DTHD1: variants seen among roughly 807,000 people sequenced by gnomAD.
DTHD1 encodes the protein death domain containing 1, also known as death domain-containing protein 1.
DTHD1 carries 59 observed loss-of-function variants against 74.8 expected under a neutral mutation model. The ratio of observed to expected loss-of-function variants is 0.79; its 90% CI spans 0.64 to 0.98. The LOEUF (loss-of-function observed/expected upper bound fraction) is 0.98, where lower values mean the gene tolerates loss of function less well. DTHD1 is among the 50% of genes least tolerant of loss of function. The pLI is 0.00. For missense variants in DTHD1, 1,051 were observed against 1,065.4 expected, an observed-to-expected ratio of 0.99 and a Z score of 0.19; for synonymous variants, 365 against 371.1, an observed-to-expected ratio of 0.98 and a Z score of 0.19.
At chr4:36,339,229 A>G in intron 9 of DTHD1, 60 bp downstream of exon 9, 1 of 1,155,720 alleles carries the variant, frequency 8.7e-7, no homozygotes, top group Middle Eastern at 2.0e-4. Flanking sequence ...TATGTTGTAT[A>G]TATGTGAATC....
rs780475018 is a variant in DTHD1, at chr4:36,293,673, G to T, written c.1366G>T (p.Val456Phe). ...SRISLNYPPG[V>F]FTSPVLVQLK... ...AATATCCTTAAATTACCCTCCAGGA[G>T]TTTTTACCTCTCCAGTGCTGGTGCA... Residue 456 changes from valine (V) to phenylalanine (F), a missense_variant, in exon 4 of 10, where the codon GTT becomes TTT. Coordinates refer to ENST00000639862, the MANE Select transcript of DTHD1 (RefSeq NM_001170700.3). 1.3e-6 allele frequency: 2 copies of T among 1,539,512 alleles called. No homozygotes were observed. The highest frequency in any genetic ancestry group is 2.4e-5 in the South Asian group (2 of 82,254).
At chr4:36,308,178 G>C (rs1339482245) in intron 6 of DTHD1, 26 bp from the exon 7 acceptor site, 1 of 1,538,944 alleles carries the variant, frequency 6.5e-7, no homozygotes, top group South Asian at 1.2e-5. Context: ...TTTTTCCCTG[G>C]GGTCTCACCT....
intron 9 of DTHD1, among the ~76,000 whole-genome samples, chr4:36,341,218 GACA>G (rs1250779317): frequency 1.3e-5 from 2 of 152,106 alleles, no homozygotes; most frequent in African/African-American, 2.4e-5. Flanking sequence ...ACAATAGCTT[GACA>G]CAGTAGCAGT....
At chr4:36,303,718 A>T (rs1756900282) in intron 5 of DTHD1, among the ~76,000 whole-genome samples, 1 of 152,370 alleles carries the variant, frequency 6.6e-6, no homozygotes, top group Non-Finnish European at 1.5e-5. Context: ...AGACAGATAT[A>T]GCACAGATTA....
chr4:36,313,941 C>T (rs2109514233), intron 7 of DTHD1, among the ~76,000 whole-genome samples: 1 of 151,864 alleles, frequency 6.6e-6, no homozygotes, highest in South Asian at 2.1e-4. Context: ...CTGGAAACCC[C>T]AATTTACCTA....
chr4:36,331,591 T>C (rs528367896), intron 8 of DTHD1, among the ~76,000 whole-genome samples: 3 of 152,290 alleles, frequency 2.0e-5, no homozygotes, highest in Non-Finnish European at 4.4e-5. Flanking sequence ...CCTACAGTAA[T>C]ATGTGGGAAT....
intron 8 of DTHD1, among the ~76,000 whole-genome samples, chr4:36,324,662 A>T (rs559940970): frequency 1.3e-5 from 2 of 152,228 alleles, no homozygotes; most frequent in Non-Finnish European, 2.9e-5. Context: ...CCTAAAAGTG[A>T]TAATAATAAT....
intron 5 of DTHD1, among the ~76,000 whole-genome samples, chr4:36,303,363 G>A (rs1353559685): frequency 6.6e-6 from 1 of 152,134 alleles, no homozygotes; most frequent in Non-Finnish European, 1.5e-5. Flanking sequence ...ATATCGTTAA[G>A]GACTCTTTTG....
At position 36,347,098 on chromosome 4, in the gene DTHD1, G is replaced by T. The variant is rs2109597059; in HGVS notation, c.*3274G>T. On this transcript the variant is annotated 3_prime_UTR_variant, in exon 10 of 10. Coordinates refer to ENST00000639862, the MANE Select transcript of DTHD1 (RefSeq NM_001170700.3). ...ATACATGTATTTTATTTCCCAGAAT[G>T]GGAGTCATATATTATATATACAGTT... is the stretch of plus-strand genomic sequence containing the variant. 6.6e-6 allele frequency among the ~76,000 whole-genome samples: 1 copy of T among 152,176 alleles called. No individual in the cohort carries two copies. Among genetic ancestry groups the T allele is most frequent in the Admixed American group, 6.5e-5 (1 of 15,274 alleles).
At chr4:36,337,714 T>G (rs780383891) in intron 8 of DTHD1, among the ~76,000 whole-genome samples, 16 of 152,226 alleles carry the variant, frequency 1.1e-4, no homozygotes, top group Non-Finnish European at 2.4e-4. Context: ...TCCATGTTTA[T>G]GTAATATTTG....
At chr4:36,320,865 T>G in intron 8 of DTHD1, among the ~76,000 whole-genome samples, 1 of 152,218 alleles carries the variant, frequency 6.6e-6, no homozygotes, top group South Asian at 2.1e-4. Context: ...TATTTATACA[T>G]GTAGCATAAA....
At chr4:36,294,035 A>G (rs1305477910) in intron 4 of DTHD1, among the ~76,000 whole-genome samples, 1 of 152,042 alleles carries the variant, frequency 6.6e-6, no homozygotes, top group Non-Finnish European at 1.5e-5. Flanking sequence ...CATACATATA[A>G]TTCAAAGATT....
chr4:36,334,943 G>A (rs892795520), intron 8 of DTHD1, among the ~76,000 whole-genome samples: 2 of 152,188 alleles, frequency 1.3e-5, no homozygotes, highest in African/African-American at 2.4e-5. Context: ...TGCTTAACAT[G>A]TGGCAAATGT....
chr4:36,288,641 C>T (rs1302781095), intron 2 of DTHD1, among the ~76,000 whole-genome samples: 1 of 152,156 alleles, frequency 6.6e-6, no homozygotes, highest in Non-Finnish European at 1.5e-5. Flanking sequence ...ATTTCAGGGT[C>T]CTCTTTTCTG....
At chr4:36,308,895 A>G (rs1757218409) in intron 7 of DTHD1, among the ~76,000 whole-genome samples, 1 of 152,190 alleles carries the variant, frequency 6.6e-6, no homozygotes, top group African/African-American at 2.4e-5. Context: ...TATACCAGTG[A>G]TTACAACCTT....
At chr4:36,319,519 G>A (rs2109529927) in intron 8 of DTHD1, among the ~76,000 whole-genome samples, 1 of 152,302 alleles carries the variant, frequency 6.6e-6, no homozygotes, top group South Asian at 2.1e-4. Flanking sequence ...CTTCCAGAAA[G>A]CCTCACGTTG....
intron 7 of DTHD1, among the ~76,000 whole-genome samples, chr4:36,310,834 T>C (rs1757358228): frequency 6.6e-6 from 1 of 151,814 alleles, no homozygotes; most frequent in African/African-American, 2.4e-5. Flanking sequence ...AGTGAGCAAG[T>C]GACAAAGATG....
chr4:36,342,647 A>G lies in DTHD1; in HGVS notation c.2399-855A>G, dbSNP rs113640065. Reference sequence around the variant, plus strand: ...TTGGGTGGTAGATCATGTCGTGTGTATGTCTGCGTGTGTGTGTGAGTGTGT... The same window carrying G: ...TTGGGTGGTAGATCATGTCGTGTGTGTGTCTGCGTGTGTGTGTGAGTGTGT... On this transcript the variant is annotated intron_variant, in intron 9 of 9. Coordinates refer to ENST00000639862, the MANE Select transcript of DTHD1 (RefSeq NM_001170700.3). 5.0e-3 allele frequency among the ~76,000 whole-genome samples: 761 copies of G among 152,042 alleles called. 7 individuals carry two copies. Among genetic ancestry groups the G allele is most frequent in the African/African-American group, 0.017 (713 of 41,468 alleles).
At chr4:36,290,310 C>T in intron 2 of DTHD1, 63 bp from the exon 3 acceptor site, 1 of 1,436,172 alleles carries the variant, frequency 7.0e-7, no homozygotes. Flanking sequence ...TGCTTTTCTG[C>T]ATTTAGCTGT....
Sources: allele counts gnomAD v4.1 joint callset (sites outside exome capture counted in the v4.1 genomes callset), GRCh38; gene constraint gnomAD v4.1.1; transcripts MANE v1.5; gene names NCBI Gene and HGNC (gene_info 2026-07-23, HGNC 2026-07-21).